The following SMURF2 variants were observed in gnomAD, a reference collection of about 807,000 sequenced individuals.
SMURF2 encodes the protein SMAD specific E3 ubiquitin protein ligase 2.
Under a neutral mutation model 109.6 loss-of-function variants are expected in SMURF2, and 48 were observed. The ratio of observed to expected loss-of-function variants is 0.44; its 90% CI spans 0.35 to 0.56. SMURF2 has a LOEUF of 0.56. Among genes scored for constraint, SMURF2 ranks in the 20% least tolerant of loss-of-function variants. The pLI is 0.01. For missense variants in SMURF2, 575 were observed against 909.0 expected (o/e 0.63, Z 4.72); for synonymous variants, 288 against 317.1 (o/e 0.91, Z 0.97).
chr17:64,661,694 T>A, intron 1 of SMURF2, 135 bp downstream of exon 1: 1 of 524,458 alleles, frequency 1.9e-6, no homozygotes. Flanking sequence ...TTACTCTCCC[T>A]GAACTAGGCC....
intron 13 of SMURF2, among the ~76,000 whole-genome samples, chr17:64,556,659 T>G (rs772073853): frequency 6.6e-6 from 1 of 152,194 alleles, no homozygotes; most frequent in Non-Finnish European, 1.5e-5. Context: ...GGGGCAGTAG[T>G]GGGCCCTCCA....
chr17:64,645,807 C>G (rs2144727283), intron 1 of SMURF2, among the ~76,000 whole-genome samples: 1 of 152,254 alleles, frequency 6.6e-6, no homozygotes, highest in Admixed American at 6.5e-5. Flanking sequence ...ATGGGGTTTT[C>G]TTACTTTCAA....
intron 10 of SMURF2, among the ~76,000 whole-genome samples, chr17:64,566,570 T>G (rs1276520336): frequency 3.5e-5 from 3 of 84,620 alleles, no homozygotes; most frequent in African/African-American, 7.7e-5. Context: ...GGTTTTTTTT[T>G]TTTTTTTTTT....
chr17:64,604,062 T>C (rs1969935987), intron 2 of SMURF2, among the ~76,000 whole-genome samples: 2 of 152,208 alleles, frequency 1.3e-5, no homozygotes, highest in Non-Finnish European at 2.9e-5. Context: ...TTGAAGAATT[T>C]AGGAATTACT....
intron 3 of SMURF2, among the ~76,000 whole-genome samples, chr17:64,594,611 T>C (rs1301873498): frequency 6.6e-6 from 1 of 152,208 alleles, no homozygotes; most frequent in Non-Finnish European, 1.5e-5. Context: ...AGTTCTATCT[T>C]GGCATGTATC....
chr17:64,662,270 G>C lies in SMURF2; in HGVS notation c.-390C>G. ...CTCGGGGGCGCCGGAGCAGAACTCT[G>C]GGCTCGGCCGCTTCCTCCTCCACCC... On this transcript the variant is annotated 5_prime_UTR_variant, in exon 1 of 19. Coordinates refer to ENST00000262435, the MANE Select transcript of SMURF2 (RefSeq NM_022739.4). 1.0e-6 allele frequency: 1 copy of C among 983,216 alleles called. No homozygotes were observed. The allele number at this position is 983,216 out of a possible 1,614,324, so 60.9% of individuals were successfully genotyped here.
At chr17:64,616,011 G>T (rs1443685157) in intron 1 of SMURF2, among the ~76,000 whole-genome samples, 1 of 151,814 alleles carries the variant, frequency 6.6e-6, no homozygotes, top group Admixed American at 6.6e-5. Flanking sequence ...TGTATTTTTA[G>T]TAGAGACAGG....
At chr17:64,622,561 GCTC>G (rs1970220031) in intron 1 of SMURF2, among the ~76,000 whole-genome samples, 2 of 152,110 alleles carry the variant, frequency 1.3e-5, no homozygotes, top group African/African-American at 4.8e-5. Context: ...TTTGTGGAAT[GCTC>G]CTCAACTGGG....
chr17:64,619,673 A>G (rs1030856957), intron 1 of SMURF2, among the ~76,000 whole-genome samples: 1 of 151,862 alleles, frequency 6.6e-6, no homozygotes, highest in African/African-American at 2.4e-5. Flanking sequence ...CCTGGTTTGC[A>G]TACTCCCACC....
At chr17:64,619,509 A>C (rs1445147436) in intron 1 of SMURF2, among the ~76,000 whole-genome samples, 3 of 151,510 alleles carry the variant, frequency 2.0e-5, no homozygotes, top group African/African-American at 7.3e-5. Context: ...AAAAAGAAGA[A>C]GAATATAATT....
rs1343152459 is a variant in SMURF2 at position 64,581,905 on chromosome 17, GA to G, written c.570-915del. Among the ~76,000 whole-genome samples the G allele has an allele frequency of 5.3e-5, 8 of 151,284 alleles. No individual in the cohort carries two copies. The highest frequency in any genetic ancestry group is 3.4e-3 in the Middle Eastern group (1 of 292). On this transcript the variant is annotated intron_variant, in intron 7 of 18. Transcript: ENST00000262435. The surrounding 1 kb of genome is among the most constrained non-coding windows in gnomAD (Gnocchi z 4.3). ...GGTTGCAGTGGGCAGAGGTTGCAGT[GA>G]GCCGAGATCGTACCACTGCACTCTA... is the stretch of plus-strand genomic sequence containing the variant.
At position 64,582,483 on chromosome 17, in the gene SMURF2, C is replaced by T. The variant is rs114845830; in HGVS notation, c.569+978G>A. 1.4e-3 allele frequency among the ~76,000 whole-genome samples: 208 copies of T among 152,282 alleles called. 2 individuals are homozygous for T. Among genetic ancestry groups the T allele is most frequent in the African/African-American group, 4.7e-3 (197 of 41,548 alleles). ...CAGTTCCCAAAATTTATCTTGCATC[C>T]CAATGTCTTTATACAGTAAGCTCCA... On this transcript the variant is annotated intron_variant, in intron 7 of 18. Coordinates refer to ENST00000262435, the MANE Select transcript of SMURF2 (RefSeq NM_022739.4).
chr17:64,634,386 T>C (rs1970387656), intron 1 of SMURF2, among the ~76,000 whole-genome samples: 1 of 152,212 alleles, frequency 6.6e-6, no homozygotes, highest in South Asian at 2.1e-4. Context: ...AACACTCATC[T>C]GCTTGCCTAG....
At chr17:64,582,677 C>G (rs1555686678) in intron 7 of SMURF2, among the ~76,000 whole-genome samples, 1 of 152,212 alleles carries the variant, frequency 6.6e-6, no homozygotes, top group African/African-American at 2.4e-5. Context: ...CGGCTCACTG[C>G]AACCTCCACC....
intron 10 of SMURF2, among the ~76,000 whole-genome samples, chr17:64,565,877 A>C (rs1343059411): frequency 2.0e-5 from 3 of 152,124 alleles, no homozygotes; most frequent in East Asian, 1.9e-4. Context: ...AAAAAAAAAA[A>C]CTGACTAAAA....
chr17:64,624,339 A>T (rs1316506831), intron 1 of SMURF2, among the ~76,000 whole-genome samples: 1 of 150,302 alleles, frequency 6.7e-6, no homozygotes, highest in Non-Finnish European at 1.5e-5. Context: ...TCTATAAAAA[A>T]AAATTTTTTT....
rs181195886 is a variant in SMURF2 at position 64,639,211 on chromosome 17, A to G, written c.52+22618T>C. Among the ~76,000 whole-genome samples, 18 of 152,290 alleles carry G rather than the reference A, an allele frequency of 1.2e-4. No homozygotes were observed. The East Asian group carries it at 3.5e-3, about 29-fold the overall frequency. ...TCTCATTCATATATTATATACCAAT[A>G]AAACTTTTTAAAAATTAACCAAGTG... On this transcript the variant is annotated intron_variant, in intron 1 of 18. Coordinates refer to ENST00000262435, the MANE Select transcript of SMURF2 (RefSeq NM_022739.4).
intron 1 of SMURF2, among the ~76,000 whole-genome samples, chr17:64,634,089 G>A (rs1410209242): frequency 1.3e-5 from 2 of 152,052 alleles, no homozygotes; most frequent in African/African-American, 4.8e-5. Context: ...AGAAGCTGGA[G>A]GTTGCAGTGA....
chr17:64,547,704 A>G lies in SMURF2; in HGVS notation c.1967T>C (p.Phe656Ser). 6.2e-7 allele frequency: 1 copy of G among 1,614,220 alleles called. No individual in the cohort carries two copies. Among genetic ancestry groups the G allele is most frequent in the Non-Finnish European group, 8.5e-7 (1 of 1,180,040 alleles). Reference sequence around the variant, plus strand: ...ATCAAAAAACTCCACAGCTTTCCAGAACCATTTGACAATGTTGCTGTCTGG... The same window carrying G: ...ATCAAAAAACTCCACAGCTTTCCAGGACCATTTGACAATGTTGCTGTCTGG... ...CTPDSNIVKW[F>S]WKAVEFFDEE... Residue 656 changes from phenylalanine (F) to serine (S), a missense_variant, in exon 17 of 19, where the codon TTC becomes TCC. Around this residue, in one of 5 missense-constraint regions of SMURF2, gnomAD observed 361 missense variants for 612.1 expected, o/e 0.59. Transcript: ENST00000262435. The surrounding 1 kb of genome is among the most constrained non-coding windows in gnomAD (Gnocchi z 4.2).
Sources: allele counts gnomAD v4.1 joint callset (sites outside exome capture counted in the v4.1 genomes callset), GRCh38; gene constraint gnomAD v4.1.1; regional missense constraint gnomAD v4.1.1; non-coding constraint Gnocchi (gnomAD v3.1); transcripts MANE v1.5; gene names NCBI Gene and HGNC (gene_info 2026-07-23, HGNC 2026-07-21).